Variants in TMEM62 observed in about 807,000 individuals in gnomAD.
TMEM62 encodes the protein transmembrane protein 62.
In TMEM62, 41 loss-of-function variants were observed where a neutral mutation model predicts 70.4. The observed-to-expected ratio is 0.58, with a 90% CI of 0.45 to 0.76. TMEM62 has a LOEUF of 0.76. TMEM62 is among the 30% of genes least tolerant of loss of function. The pLI, the probability that TMEM62 is intolerant of heterozygous loss-of-function variation, is 0.00. For missense variants in TMEM62, 688 were observed against 788.5 expected, an observed-to-expected ratio of 0.87 and a Z score of 1.53; for synonymous variants, 268 against 291.0, an observed-to-expected ratio of 0.92 and a Z score of 0.80.
At chr15:43,162,893 G>A (rs2038924820) in intron 10 of TMEM62, among the ~76,000 whole-genome samples, 1 of 151,692 alleles carries the variant, frequency 6.6e-6, no homozygotes, top group African/African-American at 2.4e-5. Flanking sequence ...TCAAAGGGTG[G>A]GCACACTATT....
intron 9 of TMEM62, among the ~76,000 whole-genome samples, chr15:43,156,779 G>A (rs2038095228): frequency 6.6e-6 from 1 of 152,090 alleles, no homozygotes; most frequent in African/African-American, 2.4e-5. Context: ...AATAAACCCT[G>A]TATATTTAAA....
At chr15:43,151,605 G>A (rs979215344) in intron 7 of TMEM62, among the ~76,000 whole-genome samples, 185 bp from the exon 8 acceptor site, 2 of 152,144 alleles carry the variant, frequency 1.3e-5, no homozygotes, top group African/African-American at 4.8e-5. Context: ...GCAGTTATGT[G>A]ACAAATGTGA....
At position 43,134,286 on chromosome 15, in the gene TMEM62, A is replaced by G. The variant is rs1380968851; in HGVS notation, c.210A>G (p.Arg70=). The G allele has an allele frequency of 6.2e-7, 1 of 1,614,182 alleles. No homozygotes were observed. The highest frequency in any genetic ancestry group is 1.7e-5 in the Admixed American group (1 of 60,022). ...CCGACATTCACCTGAGCAGGTTTCG[A>G]GATCCAGGCAGAGCGGTAGACTTAG... ...QISDIHLSRF[R]DPGRAVDLEK... Residue 70 remains arginine, a synonymous_variant, in exon 2 of 14, where the codon CGA becomes CGG. Transcript: ENST00000260403.
At chr15:43,148,900 C>G (rs760916346) in intron 6 of TMEM62, 21 bp downstream of exon 6, 4 of 1,604,560 alleles carry the variant, frequency 2.5e-6, no homozygotes, top group Non-Finnish European at 3.4e-6. Flanking sequence ...CTTCCAAAAT[C>G]AGAATTAATT....
chr15:43,170,855 A>G (rs1244426979), intron 11 of TMEM62, among the ~76,000 whole-genome samples: 1 of 152,196 alleles, frequency 6.6e-6, no homozygotes, highest in Admixed American at 6.5e-5. Context: ...GAGCAGGGGA[A>G]TACAGCGCTC....
chr15:43,176,664 C>A (rs2040786358), intron 11 of TMEM62, among the ~76,000 whole-genome samples: 1 of 151,914 alleles, frequency 6.6e-6, no homozygotes, highest in Non-Finnish European at 1.5e-5. Flanking sequence ...GAAAGGACAT[C>A]CACACCAAAA....
rs755279331 is a variant in TMEM62 at position 43,184,293 on chromosome 15, A to G, written c.1639A>G (p.Met547Val). ...TTTTAACATCCCCTTGATGGCTTAC[A>G]TGTGTTGGAGCTTGCTGCAGCGGTG... is the stretch of plus-strand genomic sequence containing the variant. ...AFFNIPLMAYMCWSLLQRCFG... is the reference protein window; with the variant it reads ...AFFNIPLMAYVCWSLLQRCFG... The change falls in exon 14 of 14, where the codon ATG becomes GTG. Residue 547 changes from methionine (M) to valine (V), a missense_variant. Transcript: ENST00000260403. 2 of 1,614,112 alleles carry G rather than the reference A, an allele frequency of 1.2e-6. No homozygotes were observed. The highest frequency in any genetic ancestry group is 1.7e-5 in the Admixed American group (1 of 60,018).
chr15:43,133,249 A>C (rs978055288), upstream of TMEM62: 1 of 152,282 alleles, frequency 6.6e-6, no homozygotes, highest in African/African-American at 2.4e-5. Flanking sequence ...AAAGAAAAGA[A>C]AACCTATGGA....
rs549230405 is a variant in TMEM62 at position 43,176,874 on chromosome 15, C to T, written c.1382-1733C>T. On this transcript the variant is annotated intron_variant, in intron 11 of 13. Coordinates refer to ENST00000260403, the MANE Select transcript of TMEM62 (RefSeq NM_024956.4). ...CAAGTTGAGAGAAGAAGGCTTCAGA[C>T]GATCAAACTACTCCGAGCTACAGGA... 7.5e-3 allele frequency among the ~76,000 whole-genome samples: 1,139 copies of T among 152,090 alleles called. 8 individuals are homozygous for T. The highest frequency in any genetic ancestry group is 0.011 in the Non-Finnish European group (745 of 68,012).
chr15:43,184,007 A>G (rs1247532036), intron 13 of TMEM62: 4 of 548,862 alleles, frequency 7.3e-6, no homozygotes, highest in Non-Finnish European at 1.3e-5. Context: ...TTAACTGTGT[A>G]TATGATACTG....
chr15:43,153,739 T>G (rs1245967229), intron 8 of TMEM62, among the ~76,000 whole-genome samples: 1 of 151,246 alleles, frequency 6.6e-6, no homozygotes, highest in Non-Finnish European at 1.5e-5. Context: ...TTTGTTTATG[T>G]GTTCAATGGA....
At position 43,181,273 on chromosome 15, in the gene TMEM62, A is replaced by T. The variant is rs367787705; in HGVS notation, c.1579A>T (p.Ile527Leu). The T allele has an allele frequency of 1.1e-5, 17 of 1,612,258 alleles. No homozygotes were observed. Among genetic ancestry groups the T allele is most frequent in the Non-Finnish European group, 1.4e-5 (17 of 1,178,554 alleles). ...TAATGGACATTTCCTACAAGGCAGC[A>T]TAACATTTATAATTGGAATTCTCCA... ...FVNGHFLQGS[I>L]TFIIGILQLA... is the part of the protein sequence containing the mutation. Residue 527 changes from isoleucine (I) to leucine (L), a missense_variant, in exon 13 of 14, where the codon ATA becomes TTA. Ile to Leu is a conservative substitution (Grantham distance 5). Transcript: ENST00000260403.
chr15:43,179,580 T>G (rs2142106313), intron 12 of TMEM62, among the ~76,000 whole-genome samples: 1 of 152,314 alleles, frequency 6.6e-6, no homozygotes, highest in Admixed American at 6.5e-5. Context: ...TGCATCCTCA[T>G]GGTGAAGCAA....
chr15:43,138,307 G>C (rs1006112055), intron 3 of TMEM62, among the ~76,000 whole-genome samples: 1 of 152,114 alleles, frequency 6.6e-6, no homozygotes, highest in Admixed American at 6.6e-5. Flanking sequence ...TGAGTCAGGG[G>C]CTGAGTCTAC....
Position 43,184,354 on chromosome 15 carries a change from G to A in TMEM62, c.1700G>A (p.Arg567Lys), listed in dbSNP as rs149369513. ...GHNFRSHLHQ[R>K]KYLKIMPVHL... ...AACTTCAGGTCTCATCTCCATCAAAGAAAATACTTGAAAATTATGCCTGTT... is the reference window on the plus strand; with the variant it reads ...AACTTCAGGTCTCATCTCCATCAAAAAAAATACTTGAAAATTATGCCTGTT... Residue 567 changes from arginine (R) to lysine (K), a missense_variant, in exon 14 of 14, where the codon AGA becomes AAA. Coordinates refer to ENST00000260403, the MANE Select transcript of TMEM62 (RefSeq NM_024956.4). 1 of 1,614,178 alleles carries A rather than the reference G, an allele frequency of 6.2e-7. No individual in the cohort carries two copies. The highest frequency in any genetic ancestry group is 8.5e-7 in the Non-Finnish European group (1 of 1,180,034).
intron 10 of TMEM62, among the ~76,000 whole-genome samples, chr15:43,165,798 A>G (rs968266958): frequency 2.0e-4 from 30 of 152,252 alleles, no homozygotes; most frequent in Middle Eastern, 6.8e-3. Context: ...TTTCTGTGAT[A>G]GGAATTTGAA....
chr15:43,185,056 T>G lies in TMEM62; in HGVS notation c.*470T>G, dbSNP rs1011785771. 6 of 243,494 alleles carry G rather than the reference T, an allele frequency of 2.5e-5. No individual in the cohort carries two copies. The East Asian group carries it at 5.7e-4, about 23-fold the overall frequency. 15.1% of individuals were successfully genotyped at this position (243,494 alleles called of 1,614,324 possible). A position where few individuals can be genotyped will look rare whatever the true frequency, so the allele number is the denominator to read the frequency against. Reference sequence around the variant, plus strand: ...CCCCTGAGATATTAGTTCCCAGGCCTGTTTTCCCACAGGATTGTGGGCTCT... The same window carrying G: ...CCCCTGAGATATTAGTTCCCAGGCCGGTTTTCCCACAGGATTGTGGGCTCT... On this transcript the variant is annotated 3_prime_UTR_variant, in exon 14 of 14. Coordinates refer to ENST00000260403, the MANE Select transcript of TMEM62 (RefSeq NM_024956.4).
intron 7 of TMEM62, among the ~76,000 whole-genome samples, chr15:43,149,851 A>T (rs1384608618): frequency 1.3e-5 from 2 of 152,238 alleles, no homozygotes; most frequent in African/African-American, 2.4e-5. Context: ...ACAAGATGGT[A>T]GTGATTTAAC....
At chr15:43,162,282 T>C (rs971799404) in intron 10 of TMEM62, among the ~76,000 whole-genome samples, 1 of 149,180 alleles carries the variant, frequency 6.7e-6, no homozygotes, top group Non-Finnish European at 1.5e-5. Flanking sequence ...GGACTACAGG[T>C]GTCCCCGACC....
Sources: gnomAD v4.1 joint callset for allele counts (sites outside exome capture counted in the v4.1 genomes callset) on GRCh38, gnomAD v4.1.1 for gene constraint, MANE v1.5 for transcripts, NCBI Gene and HGNC (gene_info 2026-07-23, HGNC 2026-07-21) for gene names.